Variants in PTPRG observed in about 807,000 individuals in gnomAD.
PTPRG encodes protein tyrosine phosphatase receptor type G.
Under a neutral mutation model 165.3 loss-of-function variants are expected in PTPRG, and 102 were observed. That is an observed-to-expected ratio of 0.62 (90% CI 0.53 to 0.73). The LOEUF is 0.73. Among genes scored for constraint, PTPRG ranks in the 30% least tolerant of loss-of-function variants. The pLI is 0.00. For synonymous variants in PTPRG, 675 were observed against 669.5 expected, an observed-to-expected ratio of 1.01 and a Z score of -0.13; for missense variants, 1,866 against 1,861.4, an observed-to-expected ratio of 1.00 and a Z score of -0.05.
chr3:62,216,539 C>T (rs556138877), intron 12 of PTPRG, among the ~76,000 whole-genome samples: 3 of 150,858 alleles, frequency 2.0e-5, no homozygotes, highest in African/African-American at 7.4e-5. Flanking sequence ...CTTTGAGATT[C>T]CCCCCCCTCC....
At chr3:61,987,922 T>G (rs925245833) in intron 2 of PTPRG, among the ~76,000 whole-genome samples, 1 of 152,176 alleles carries the variant, frequency 6.6e-6, no homozygotes, top group African/African-American at 2.4e-5. Flanking sequence ...TGGCTAAATA[T>G]ATGGCAAATG....
chr3:62,141,224 A>G (rs922740240), intron 6 of PTPRG, among the ~76,000 whole-genome samples: 1 of 152,174 alleles, frequency 6.6e-6, no homozygotes, highest in Non-Finnish European at 1.5e-5. Context: ...ATCACTCTTT[A>G]GAAAATAGTT....
At chr3:61,717,575 C>G (rs565542113) in intron 1 of PTPRG, among the ~76,000 whole-genome samples, 1 of 151,970 alleles carries the variant, frequency 6.6e-6, no homozygotes, top group South Asian at 2.1e-4. Flanking sequence ...ATCATGAGGT[C>G]AAGAGATCGA....
intron 8 of PTPRG, among the ~76,000 whole-genome samples, chr3:62,184,920 G>T (rs1385847112): frequency 6.6e-6 from 1 of 151,450 alleles, no homozygotes; most frequent in East Asian, 1.9e-4. Flanking sequence ...GCCCCTGGAG[G>T]AACCTTGAAC....
intron 1 of PTPRG, among the ~76,000 whole-genome samples, chr3:61,676,456 C>CAAAAAA (rs71629138): frequency 0.16 from 3,582 of 21,804 alleles, 819 homozygotes; most frequent in South Asian, 0.3. Context: ...GACTCCATCT[C>CAAAAAA]AAAAAAAAAA....
At chr3:61,911,162 C>T (rs1442990529) in intron 2 of PTPRG, among the ~76,000 whole-genome samples, 2 of 152,168 alleles carry the variant, frequency 1.3e-5, no homozygotes, top group African/African-American at 2.4e-5. Flanking sequence ...CAAACCCTTT[C>T]AATACTTATG....
At chr3:61,762,052 C>T (rs1367090831) in intron 2 of PTPRG, among the ~76,000 whole-genome samples, 3 of 152,148 alleles carry the variant, frequency 2.0e-5, no homozygotes, top group Admixed American at 6.5e-5. Context: ...GGACTAGCAC[C>T]TGCAAAGATG....
At chr3:61,986,222 C>T (rs1039267241) in intron 2 of PTPRG, among the ~76,000 whole-genome samples, 2 of 150,686 alleles carry the variant, frequency 1.3e-5, no homozygotes, top group African/African-American at 5.0e-5. Flanking sequence ...TCATTTGTAC[C>T]TAAAAATATG....
In PTPRG at chr3:61,656,614, G is replaced by A. The variant is rs187062822; in HGVS notation, c.86-92264G>A. 9.9e-5 allele frequency among the ~76,000 whole-genome samples: 15 copies of A among 152,128 alleles called. No homozygotes were observed. The East Asian group carries it at 2.7e-3, about 27-fold the overall frequency. ...TCTTCTCCAAGCGTATTCTTGGTTC[G>A]GCATTCTAACAGTTCATTTACCTGA... On this transcript the variant is annotated intron_variant, in intron 1 of 29. Transcript: ENST00000474889.
intron 5 of PTPRG, among the ~76,000 whole-genome samples, chr3:62,119,442 C>G (rs577200817): frequency 6.6e-6 from 1 of 152,088 alleles, no homozygotes; most frequent in African/African-American, 2.4e-5. Flanking sequence ...GGGAACAATG[C>G]GGGCAAAGGC....
chr3:62,065,341 G>A (rs17768358), intron 4 of PTPRG, among the ~76,000 whole-genome samples: 41,722 of 151,944 alleles, frequency 0.27, 6,238 homozygotes, highest in Middle Eastern at 0.33. Flanking sequence ...GTTGTGTACC[G>A]CATGAGACCA....
rs758095955 is a variant in PTPRG at position 61,839,608 on chromosome 3, C to T, written c.190+90626C>T. ...GCTTTAAAATAGACCTATATAGCAA[C>T]AGTACTTTCGTATTTGAAAAAAATG... is the stretch of plus-strand genomic sequence containing the variant. On this transcript the variant is annotated intron_variant, in intron 2 of 29. Coordinates refer to ENST00000474889, the MANE Select transcript of PTPRG (RefSeq NM_002841.4). Among the ~76,000 whole-genome samples the T allele has an allele frequency of 2.4e-4, 37 of 151,988 alleles. 1 individual carries two copies. Among genetic ancestry groups the T allele is most frequent in the Non-Finnish European group, 4.4e-4 (30 of 67,992 alleles).
At chr3:61,923,884 G>A (rs2039143485) in intron 2 of PTPRG, among the ~76,000 whole-genome samples, 1 of 151,806 alleles carries the variant, frequency 6.6e-6, no homozygotes, top group South Asian at 2.1e-4. Context: ...ATATAGTAAA[G>A]GGGATGTATT....
chr3:61,748,235 C>T (rs1433965871), intron 1 of PTPRG, among the ~76,000 whole-genome samples: 1 of 152,158 alleles, frequency 6.6e-6, no homozygotes, highest in Non-Finnish European at 1.5e-5. Context: ...CACAAGGAGT[C>T]TCCTAGGTTT....
chr3:61,984,269 T>A (rs2040706064), intron 2 of PTPRG, among the ~76,000 whole-genome samples: 1 of 152,214 alleles, frequency 6.6e-6, no homozygotes, highest in South Asian at 2.1e-4. Context: ...TAATGATGTT[T>A]TTCTTAATGA....
rs77283136 is a variant in PTPRG, at chr3:61,901,458, T to A, written c.191-88167T>A. Among the ~76,000 whole-genome samples the A allele has an allele frequency of 4.9e-4, 75 of 152,330 alleles. 1 individual carries two copies. In the East Asian group the frequency reaches 6.9e-3, roughly 14 times the overall value. The stretch of plus-strand genomic sequence containing the variant: ...AGTATTATCACTTGTTCCCTCTGGG[T>A]GGTATACACTGAGATGAGGTAGATA... On this transcript the variant is annotated intron_variant, in intron 2 of 29. Coordinates refer to ENST00000474889, the MANE Select transcript of PTPRG (RefSeq NM_002841.4).
intron 4 of PTPRG, among the ~76,000 whole-genome samples, chr3:62,056,458 A>G (rs1700638455): frequency 6.6e-6 from 1 of 152,020 alleles, no homozygotes; most frequent in African/African-American, 2.4e-5. Flanking sequence ...AGTGTATTTT[A>G]TGGTAGCCCA....
intron 10 of PTPRG, among the ~76,000 whole-genome samples, chr3:62,196,446 A>G (rs912476175): frequency 5.9e-5 from 9 of 152,188 alleles, no homozygotes; most frequent in African/African-American, 1.9e-4. Flanking sequence ...AATAAAAATA[A>G]AAGCAAAATT....
chr3:62,192,783 T>A (rs188712589), intron 9 of PTPRG, among the ~76,000 whole-genome samples: 226 of 152,248 alleles, frequency 1.5e-3, no homozygotes, highest in African/African-American at 5.2e-3. Context: ...TTGCGTTTAT[T>A]GTTAATCAAA....
Sources: allele counts gnomAD v4.1 joint callset (sites outside exome capture counted in the v4.1 genomes callset), GRCh38; gene constraint gnomAD v4.1.1; transcripts MANE v1.5; gene names NCBI Gene and HGNC (gene_info 2026-07-23, HGNC 2026-07-21).